The following DSCAML1 variants were observed in gnomAD, a reference collection of about 807,000 sequenced individuals.
DSCAML1 encodes DS cell adhesion molecule like 1.
A neutral mutation model predicts 200.5 loss-of-function variants in DSCAML1; 38 were observed. The ratio of observed to expected loss-of-function variants is 0.19; its 90% confidence interval spans 0.15 to 0.25. DSCAML1 has a LOEUF of 0.25. Among genes scored for constraint, DSCAML1 ranks in the 10% least tolerant of loss-of-function variants. DSCAML1 has a pLI of 1.00. For synonymous variants in DSCAML1, 1,215 were observed against 1,165.0 expected (o/e 1.04, Z -0.87); for missense variants, 2,223 against 2,858.8 (o/e 0.78, Z 5.07).
chr11:117,539,307 C>T (rs2050222678), intron 3 of DSCAML1, among the ~76,000 whole-genome samples: 1 of 152,060 alleles, frequency 6.6e-6, no homozygotes, highest in Non-Finnish European at 1.5e-5. Context: ...CCAGTTAGAC[C>T]TTTAAGAAAA....
At chr11:117,461,344 C>G in intron 18 of DSCAML1, 106 bp downstream of exon 18, 10 of 1,526,438 alleles carry the variant, frequency 6.6e-6, no homozygotes, top group Non-Finnish European at 8.9e-6. Context: ...TGCACTTCCT[C>G]TTGCCAAGCT....
At chr11:117,644,657 G>A (rs893170059) in intron 3 of DSCAML1, among the ~76,000 whole-genome samples, 7 of 152,224 alleles carry the variant, frequency 4.6e-5, no homozygotes, top group Non-Finnish European at 8.8e-5. Flanking sequence ...AGAAGCCGAG[G>A]GGGAGCCGCG....
intron 4 of DSCAML1, among the ~76,000 whole-genome samples, chr11:117,532,151 A>AT (rs2050092812): frequency 7.0e-6 from 1 of 142,358 alleles, no homozygotes; most frequent in East Asian, 2.2e-4. Flanking sequence ...AGGAAAAAAA[A>AT]GGGAAAAAGA....
At chr11:117,799,731 G>A (rs1057348452), upstream of DSCAML1, among the ~76,000 whole-genome samples, 2 of 152,250 alleles carry the variant, frequency 1.3e-5, no homozygotes, top group South Asian at 2.1e-4. Context: ...GGAAATGTAT[G>A]TGTGCCAAGC....
At chr11:117,587,262 C>CCG (rs796303967) in intron 3 of DSCAML1, among the ~76,000 whole-genome samples, 1 of 150,674 alleles carries the variant, frequency 6.6e-6, no homozygotes, top group African/African-American at 2.4e-5. Context: ...AACCCCCCCC[C>CCG]ACGATTTAGA....
At position 117,754,276 on chromosome 11, in the gene DSCAML1, T is replaced by C. The variant is rs924528634; in HGVS notation, c.511+22515A>G. Among the ~76,000 whole-genome samples the C allele has an allele frequency of 5.3e-5, 8 of 152,294 alleles. No homozygotes were observed. In the South Asian group the frequency reaches 1.7e-3, roughly 32 times the overall value. ...AGGCAGCACAGAAGGCAGCCCTTCA[T>C]TAAATCCGACACCAGGGAATTAATT... On this transcript the variant is annotated intron_variant, in intron 3 of 32. Coordinates refer to ENST00000651296, the MANE Select transcript of DSCAML1 (RefSeq NM_020693.4).
intron 3 of DSCAML1, among the ~76,000 whole-genome samples, chr11:117,612,583 C>T (rs753926638): frequency 2.0e-5 from 3 of 152,132 alleles, no homozygotes; most frequent in Non-Finnish European, 2.9e-5. Flanking sequence ...CGGAAGTGCT[C>T]AGGAGCAGGT....
chr11:117,592,418 C>A (rs2051276008), intron 3 of DSCAML1, among the ~76,000 whole-genome samples: 1 of 152,112 alleles, frequency 6.6e-6, no homozygotes, highest in Non-Finnish European at 1.5e-5. Flanking sequence ...TGTGTGCATG[C>A]ATGTCCAGGC....
intron 3 of DSCAML1, among the ~76,000 whole-genome samples, chr11:117,756,218 A>C (rs2054689698): frequency 6.6e-6 from 1 of 152,214 alleles, no homozygotes; most frequent in Non-Finnish European, 1.5e-5. Context: ...AGGTCACTCA[A>C]CATGGCAGGT....
At chr11:117,797,399 C>G (rs911429556), upstream of DSCAML1, 1 of 678,664 alleles carries the variant, frequency 1.5e-6, no homozygotes, top group Non-Finnish European at 2.1e-6. Context: ...CCAGACCGCC[C>G]CGACCCGGCT....
At position 117,755,816 on chromosome 11, in the gene DSCAML1, G is replaced by T. The variant is rs562356257; in HGVS notation, c.511+20975C>A. 1.5e-4 allele frequency among the ~76,000 whole-genome samples: 23 copies of T among 152,226 alleles called. No homozygotes were observed. The South Asian group carries it at 4.6e-3, about 30-fold the overall frequency. On this transcript the variant is annotated intron_variant, in intron 3 of 32. Coordinates refer to ENST00000651296, the MANE Select transcript of DSCAML1 (RefSeq NM_020693.4). ...AGCACCTGGCTGTGGACTGAGGAAGGTGTGTCCCACCCTGTCATTGAGATG... is the reference window on the plus strand; with the variant it reads ...AGCACCTGGCTGTGGACTGAGGAAGTTGTGTCCCACCCTGTCATTGAGATG...
At chr11:117,752,415 C>T (rs2054619843) in intron 3 of DSCAML1, among the ~76,000 whole-genome samples, 1 of 152,094 alleles carries the variant, frequency 6.6e-6, no homozygotes, top group Admixed American at 6.5e-5. Context: ...TCTCACAGCA[C>T]ATCATTTTAC....
intron 3 of DSCAML1, among the ~76,000 whole-genome samples, chr11:117,710,331 C>T (rs531784649): frequency 1.1e-4 from 16 of 152,286 alleles, no homozygotes; most frequent in South Asian, 1.0e-3. Flanking sequence ...TTTTACAATA[C>T]TCTATTCCTC....
intron 3 of DSCAML1, among the ~76,000 whole-genome samples, chr11:117,559,297 G>T (rs1472862228): frequency 6.6e-6 from 1 of 152,126 alleles, no homozygotes; most frequent in East Asian, 1.9e-4. Flanking sequence ...CCTTCCTGAG[G>T]GGACTGGGGA....
chr11:117,726,262 T>TGC (rs2054128358), intron 3 of DSCAML1, among the ~76,000 whole-genome samples: 2 of 142,788 alleles, frequency 1.4e-5, no homozygotes, highest in Admixed American at 6.8e-5. Flanking sequence ...TGTGTGTGTG[T>TGC]GTGCGTGTGT....
At chr11:117,613,300 A>C (rs2137535159) in intron 3 of DSCAML1, among the ~76,000 whole-genome samples, 1 of 152,178 alleles carries the variant, frequency 6.6e-6, no homozygotes, top group East Asian at 1.9e-4. Flanking sequence ...GTGCTCTTGG[A>C]GTAATAGTAA....
chr11:117,699,484 G>A (rs774043503), intron 3 of DSCAML1, among the ~76,000 whole-genome samples: 1 of 152,240 alleles, frequency 6.6e-6, no homozygotes, highest in Non-Finnish European at 1.5e-5. Context: ...GGGAGGTGAC[G>A]CAGGAAAACA....
intron 3 of DSCAML1, among the ~76,000 whole-genome samples, chr11:117,575,896 A>ACAAG (rs147381910): frequency 0.015 from 2,211 of 150,746 alleles, 31 homozygotes; most frequent in East Asian, 0.064. Context: ...CAAAAAAAGA[A>ACAAG]CAAGCAAGCA....
At chr11:117,537,464 C>T (rs661631) in intron 3 of DSCAML1, among the ~76,000 whole-genome samples, 84,789 of 151,932 alleles carry the variant, frequency 0.56, 24,498 homozygotes, top group African/African-American at 0.71. Context: ...CCAGGGGTGG[C>T]GGGGAAAGCC....
Sources: allele counts gnomAD v4.1 joint callset (sites outside exome capture counted in the v4.1 genomes callset), GRCh38; gene constraint gnomAD v4.1.1; transcripts MANE v1.5; gene names NCBI Gene and HGNC (gene_info 2026-07-23, HGNC 2026-07-21).